CDC42BPB: variants seen among roughly 807,000 people sequenced by gnomAD.
CDC42BPB encodes the protein serine/threonine-protein kinase MRCK beta.
A neutral mutation model predicts 214.9 loss-of-function variants in CDC42BPB; 37 were observed. The ratio of observed to expected loss-of-function variants is 0.17; its 90% confidence interval spans 0.13 to 0.23. CDC42BPB has a LOEUF of 0.23. Ranked by LOEUF, CDC42BPB falls within the 10% of genes least tolerant of loss-of-function variation. The probability of loss-of-function intolerance (pLI) is 1.00; values close to 1 mark genes in which losing one functional copy is unlikely to be tolerated. For missense variants in CDC42BPB, 1,694 were observed against 2,227.0 expected, an observed-to-expected ratio of 0.76 and a Z score of 4.82; for synonymous variants, 931 against 884.0, an observed-to-expected ratio of 1.05 and a Z score of -0.94.
intron 1 of CDC42BPB, among the ~76,000 whole-genome samples, chr14:103,012,727 C>A (rs1022464638): frequency 1.3e-5 from 2 of 152,010 alleles, no homozygotes; most frequent in Admixed American, 1.3e-4. Flanking sequence ...ATCGTTTGAA[C>A]CTAGGCGCCG....
chr14:103,051,333 G>GA (rs1389843425), intron 1 of CDC42BPB, among the ~76,000 whole-genome samples: 3 of 143,552 alleles, frequency 2.1e-5, no homozygotes, highest in Admixed American at 1.5e-4. Context: ...AAGAATCTAA[G>GA]AAAAAAACAA....
intron 30 of CDC42BPB, chr14:102,940,689 C>G: frequency 3.1e-6 from 1 of 326,014 alleles, no homozygotes. Flanking sequence ...AGGTAGGGGC[C>G]GACTGTTCAG....
intron 9 of CDC42BPB, among the ~76,000 whole-genome samples, chr14:102,976,458 C>A (rs376234433): frequency 2.0e-5 from 3 of 152,242 alleles, no homozygotes; most frequent in African/African-American, 7.2e-5. Flanking sequence ...CAATCCAGGA[C>A]AGCTCTTTCA....
Position 103,057,054 on chromosome 14 carries a change from C to G in CDC42BPB, c.120G>C (p.Glu40Asp). ...LLDVLVCLYTECSHSALRRDK... is the reference protein window; with the variant it reads ...LLDVLVCLYTDCSHSALRRDK... ...CGCGGCGCAGGGCCGAGTGGCTGCA[C>G]TCGGTGTACAGGCAGACGAGCACGT... The change falls in exon 1 of 37, where the codon GAG becomes GAC. Residue 40 changes from glutamate (E) to aspartate (D), a missense_variant. Coordinates refer to ENST00000361246, the MANE Select transcript of CDC42BPB (RefSeq NM_006035.4). 1 of 1,520,866 alleles carries G rather than the reference C, an allele frequency of 6.6e-7. No individual in the cohort carries two copies. The highest frequency in any genetic ancestry group is 8.8e-7 in the Non-Finnish European group (1 of 1,139,414). 94.2% of individuals were successfully genotyped at this position (1,520,866 alleles called of 1,614,324 possible). A position where few individuals can be genotyped will look rare whatever the true frequency, so the allele number is the denominator to read the frequency against.
At chr14:102,999,452 G>C (rs1894882581) in intron 5 of CDC42BPB, 113 bp downstream of exon 5, 1 of 991,950 alleles carries the variant, frequency 1.0e-6, no homozygotes, top group African/African-American at 1.6e-5. Flanking sequence ...GCAGCTCAAA[G>C]TGGGGACTCG....
At chr14:102,948,088 A>G (rs940749987) in intron 26 of CDC42BPB, 5 of 451,168 alleles carry the variant, frequency 1.1e-5, no homozygotes, top group African/African-American at 2.5e-5. Flanking sequence ...CTCGGTTTGC[A>G]CTTGGCACAG....
At chr14:102,961,083 C>T in intron 20 of CDC42BPB, among the ~76,000 whole-genome samples, 1 of 152,108 alleles carries the variant, frequency 6.6e-6, no homozygotes. Flanking sequence ...GGGAGGATCA[C>T]TTGAGCCCAG....
At chr14:103,024,717 T>C (rs1168112517) in intron 1 of CDC42BPB, among the ~76,000 whole-genome samples, 1 of 152,210 alleles carries the variant, frequency 6.6e-6, no homozygotes, top group East Asian at 1.9e-4. Context: ...CACCCATTGC[T>C]AATGGCAGCT....
chr14:102,933,841 A>T lies in CDC42BPB; in HGVS notation c.5007T>A (p.Pro1669=). 1 of 1,522,572 alleles carries T rather than the reference A, an allele frequency of 6.6e-7. No individual in the cohort carries two copies. The highest frequency in any genetic ancestry group is 8.8e-7 in the Non-Finnish European group (1 of 1,142,234). 94.3% of individuals were successfully genotyped at this position (1,522,572 alleles called of 1,614,324 possible). Residue 1669 remains proline, a splice_region_variant and synonymous_variant, in exon 37 of 37, where the codon CCT becomes CCA. Coordinates refer to ENST00000361246, the MANE Select transcript of CDC42BPB (RefSeq NM_006035.4). ...SDPDQDFDKE[P]DSDSTKHSTP... ...TTGAGTGTTTGGTGGAGTCCGAATC[A>T]GGCTGTGAACAGGAAGAGGGCAGGG...
chr14:103,037,060 A>T (rs867133098), intron 1 of CDC42BPB, among the ~76,000 whole-genome samples: 1 of 151,948 alleles, frequency 6.6e-6, no homozygotes, highest in Non-Finnish European at 1.5e-5. Flanking sequence ...CCCACCTCTT[A>T]TAGGCGTGAG....
At chr14:103,047,889 C>A in intron 1 of CDC42BPB, among the ~76,000 whole-genome samples, 1 of 116,008 alleles carries the variant, frequency 8.6e-6, no homozygotes, top group Non-Finnish European at 1.8e-5. Flanking sequence ...GGCAACAGAG[C>A]AAGACTCTGT....
chr14:103,052,659 T>C (rs1485502777), intron 1 of CDC42BPB, among the ~76,000 whole-genome samples: 1 of 152,122 alleles, frequency 6.6e-6, no homozygotes, highest in African/African-American at 2.4e-5. Flanking sequence ...ATTAATTCTA[T>C]TCATGAAGAG....
intron 1 of CDC42BPB, among the ~76,000 whole-genome samples, chr14:103,056,256 G>A (rs575111126): frequency 1.6e-4 from 24 of 151,996 alleles, no homozygotes; most frequent in Admixed American, 1.2e-3. Context: ...CAAAGGTCTA[G>A]CAGAATTGGA....
At chr14:103,017,186 A>G (rs1173174241) in intron 1 of CDC42BPB, among the ~76,000 whole-genome samples, 1 of 152,154 alleles carries the variant, frequency 6.6e-6, no homozygotes. Flanking sequence ...ACCAGGGTGT[A>G]GCGGCACACA....
intron 12 of CDC42BPB, 126 bp downstream of exon 12, chr14:102,973,890 C>G (rs923163134): frequency 5.5e-5 from 67 of 1,227,220 alleles, no homozygotes; most frequent in Non-Finnish European, 7.4e-5. Context: ...CCCTGGCGTC[C>G]TGCATGCAGC....
Position 102,975,993 on chromosome 14 carries a change from T to G in CDC42BPB, c.1277A>C (p.Lys426Thr). The part of the protein sequence containing the change: ...KSIMQSNTLT[K>T]DEDVQRDLEH... Reference sequence around the variant, plus strand: ...CAGGTCCCGCTGCACATCCTCATCTTTGGTTAATGTGTTGGACTGCATTAT... The same window carrying G: ...CAGGTCCCGCTGCACATCCTCATCTGTGGTTAATGTGTTGGACTGCATTAT... Residue 426 changes from lysine to threonine, a missense_variant, in exon 10 of 37, where the codon AAA (lysine) becomes ACA (threonine). Physicochemically the swap from Lys to Thr is moderately conservative, Grantham distance 78 (BLOSUM62 -1). This residue lies in a region of CDC42BPB where 462 missense variants were observed against 513.5 expected (regional missense o/e 0.90). Coordinates refer to ENST00000361246, the MANE Select transcript of CDC42BPB (RefSeq NM_006035.4). The G allele has an allele frequency of 6.2e-7, 1 of 1,614,248 alleles. No homozygotes were observed. The highest frequency in any genetic ancestry group is 1.3e-5 in the African/African-American group (1 of 75,062).
intron 8 of CDC42BPB, among the ~76,000 whole-genome samples, chr14:102,979,080 A>G (rs1451841475): frequency 2.0e-5 from 3 of 152,224 alleles, no homozygotes; most frequent in South Asian, 2.1e-4. Context: ...CTGGAGTCAG[A>G]GTCTAGGACA....
In CDC42BPB at chr14:102,940,287, A is replaced by G. The variant is rs1891833564; in HGVS notation, c.4446T>C (p.Tyr1482=). The change falls in exon 31 of 37, where the codon TAT becomes TAC. Residue 1482 remains tyrosine, a synonymous_variant. Coordinates refer to ENST00000361246, the MANE Select transcript of CDC42BPB (RefSeq NM_006035.4). ...SPTHVTVYSE[Y]GVDVFDVRTM... ...TGCGCACATCAAAGACGTCCACGCCATACTCGCTGTACACCGTGACGTGGG... is the reference window on the plus strand; with the variant it reads ...TGCGCACATCAAAGACGTCCACGCCGTACTCGCTGTACACCGTGACGTGGG... The G allele has an allele frequency of 6.3e-7, 1 of 1,589,194 alleles. No individual in the cohort carries two copies. The highest frequency in any genetic ancestry group is 8.6e-7 in the Non-Finnish European group (1 of 1,167,794).
intron 3 of CDC42BPB, among the ~76,000 whole-genome samples, chr14:103,006,015 CAAAAAAAAAAA>C (rs1172933917): frequency 1.7e-5 from 1 of 58,136 alleles, no homozygotes; most frequent in Non-Finnish European, 3.8e-5. Context: ...AGAGACGTCT[CAAAAAAAAAAA>C]AAAAAAAAAG....
Sources: gnomAD v4.1 joint callset for allele counts (sites outside exome capture counted in the v4.1 genomes callset) on GRCh38, gnomAD v4.1.1 for gene constraint, gnomAD v4.1.1 regional missense constraint, MANE v1.5 for transcripts, NCBI Gene and HGNC (gene_info 2026-07-23, HGNC 2026-07-21) for gene names.